MPV17L: variants seen among roughly 807,000 people sequenced by gnomAD.
The protein encoded by MPV17L is mpv17-like protein.
A neutral mutation model predicts 25.8 loss-of-function variants in MPV17L; 24 were observed. The observed-to-expected ratio is 0.93, with a 90% CI of 0.67 to 1.31. The LOEUF (loss-of-function observed/expected upper bound fraction) is 1.31, where lower values mean the gene tolerates loss of function less well. Ranked by LOEUF, MPV17L falls within the 50% of genes most tolerant of loss-of-function variation. The pLI is 0.00. For synonymous variants in MPV17L, 102 were observed against 115.3 expected, an observed-to-expected ratio of 0.88 and a Z score of 0.74; for missense variants, 250 against 265.6, an observed-to-expected ratio of 0.94 and a Z score of 0.41.
Position 15,410,801 on chromosome 16 carries a change from G to A in MPV17L, c.*2689G>A, listed in dbSNP as rs2050726802. On this transcript the variant is annotated 3_prime_UTR_variant, in exon 4 of 4. Transcript: ENST00000396385. ...TGGATAATTTACCTGAATGTAAAAG[G>A]CATTAATATATTTTACATTATTGGG... is the stretch of plus-strand genomic sequence containing the variant. The A allele has an allele frequency of 6.6e-6, 1 of 152,018 alleles. No homozygotes were observed. Among genetic ancestry groups the A allele is most frequent in the Non-Finnish European group, 1.5e-5 (1 of 68,012 alleles). The allele number at this position is 152,018 out of a possible 1,614,324, so 9.4% of individuals were successfully genotyped here.
chr16:15,403,236 G>C (rs1393289236), intron 2 of MPV17L, among the ~76,000 whole-genome samples: 1 of 151,790 alleles, frequency 6.6e-6, no homozygotes, highest in Non-Finnish European at 1.5e-5. Flanking sequence ...GGGCATGGTG[G>C]CACAAGCCTG....
rs199674450 is a variant in MPV17L, at chr16:15,400,868, C to T, written c.381+11C>T. On this transcript the variant is annotated intron_variant, in intron 2 of 3. Transcript: ENST00000396385. The stretch of plus-strand genomic sequence containing the variant: ...TGGAATACCTATCTGGTAAGATAGG[C>T]GTTTGAAAATGTAATCACTATATTT... 10 of 1,562,574 alleles carry T rather than the reference C, an allele frequency of 6.4e-6. No individual in the cohort carries two copies. The highest frequency in any genetic ancestry group is 5.5e-5 in the Admixed American group (3 of 54,780).
At chr16:15,406,213 CATATACGTATATATGTGTAT>C (rs1023292979) in intron 2 of MPV17L, among the ~76,000 whole-genome samples, 2 of 151,570 alleles carry the variant, frequency 1.3e-5, no homozygotes, top group Middle Eastern at 3.2e-3. Flanking sequence ...TATACATACA[CATATACGTATATATGTGTAT>C]ATATACGTAT....
rs1217580979 is a variant in MPV17L at position 15,409,420 on chromosome 16, T to C, written c.*1308T>C. On this transcript the variant is annotated 3_prime_UTR_variant, in exon 4 of 4. Transcript: ENST00000396385. Reference sequence around the variant, plus strand: ...TGAAAATAGCCTTAACTGATGACATTGCACCATTGTGATATGTTACTGCCC... The same window carrying C: ...TGAAAATAGCCTTAACTGATGACATCGCACCATTGTGATATGTTACTGCCC... The C allele has an allele frequency of 1.3e-5, 2 of 152,166 alleles. No individual in the cohort carries two copies. The highest frequency in any genetic ancestry group is 2.9e-5 in the Non-Finnish European group (2 of 68,054). 9.4% of individuals were successfully genotyped at this position (152,166 alleles called of 1,614,324 possible).
intron 2 of MPV17L, among the ~76,000 whole-genome samples, chr16:15,401,062 A>G (rs867150245): frequency 6.1e-4 from 24 of 39,496 alleles, no homozygotes; most frequent in African/African-American, 2.2e-3. Context: ...GTGTGTGTAT[A>G]TATATATATA....
At chr16:15,401,205 T>TGAGCTCAAGCGATCCTCC (rs1226573922) in intron 2 of MPV17L, among the ~76,000 whole-genome samples, 1 of 148,790 alleles carries the variant, frequency 6.7e-6, no homozygotes, top group Non-Finnish European at 1.5e-5. Context: ...CTGGACCTCC[T>TGAGCTCAAGCGATCCTCC]GAGCTCAAGC....
Position 15,408,158 on chromosome 16 carries a change from G to A in MPV17L, c.*46G>A. On this transcript the variant is annotated 3_prime_UTR_variant, in exon 4 of 4. Coordinates refer to ENST00000396385, the MANE Select transcript of MPV17L (RefSeq NM_001128423.2). ...AGGGACCACATTTTTTACCTAAAAT[G>A]CACAGAATTGCCTGCAGACAAAATA... 6.9e-7 allele frequency: 1 copy of A among 1,449,924 alleles called. No homozygotes were observed. 89.8% of individuals were successfully genotyped at this position (1,449,924 alleles called of 1,614,324 possible).
At chr16:15,401,088 T>TA (rs56114822) in intron 2 of MPV17L, among the ~76,000 whole-genome samples, 98 of 55,678 alleles carry the variant, frequency 1.8e-3, no homozygotes, top group African/African-American at 4.7e-3. Context: ...ATATATATAT[T>TA]TTTTTTTTTT....
At chr16:15,403,685 AAG>A (rs1486692994) in intron 2 of MPV17L, among the ~76,000 whole-genome samples, 6 of 151,800 alleles carry the variant, frequency 4.0e-5, no homozygotes, top group Non-Finnish European at 7.4e-5. Flanking sequence ...AAAAAAAAAA[AAG>A]AGAGCAGGAA....
At chr16:15,402,509 G>A (rs1213097444) in intron 2 of MPV17L, among the ~76,000 whole-genome samples, 2 of 152,190 alleles carry the variant, frequency 1.3e-5, no homozygotes, top group Non-Finnish European at 2.9e-5. Flanking sequence ...GCAGAGGATG[G>A]AGAGGTTTGA....
At position 15,411,093 on chromosome 16, in the gene MPV17L, A is replaced by C. The variant is rs891402383; in HGVS notation, c.*2981A>C. On this transcript the variant is annotated 3_prime_UTR_variant, in exon 4 of 4. Transcript: ENST00000396385. ...TAAAAATACAAAAAATTAGCTGGGCATGGTGGCGGGCGCCTGTAGTCCCAG... is the reference window on the plus strand; with the variant it reads ...TAAAAATACAAAAAATTAGCTGGGCCTGGTGGCGGGCGCCTGTAGTCCCAG... 8 of 152,112 alleles carry C rather than the reference A, an allele frequency of 5.3e-5. No homozygotes were observed. Among genetic ancestry groups the C allele is most frequent in the Non-Finnish European group, 8.8e-5 (6 of 68,096 alleles). The allele number at this position is 152,112 out of a possible 1,614,324, so 9.4% of individuals were successfully genotyped here. A position where few individuals can be genotyped will look rare whatever the true frequency, so the allele number is the denominator to read the frequency against.
intron 2 of MPV17L, among the ~76,000 whole-genome samples, chr16:15,407,107 G>A (rs1010878183): frequency 2.0e-5 from 3 of 151,754 alleles, no homozygotes; most frequent in Non-Finnish European, 2.9e-5. Flanking sequence ...AGAATTCATT[G>A]ATGATTCTGT....
intron 2 of MPV17L, among the ~76,000 whole-genome samples, chr16:15,406,737 C>A (rs1224595484): frequency 6.7e-6 from 1 of 149,834 alleles, no homozygotes; most frequent in Non-Finnish European, 1.5e-5. Flanking sequence ...ACCAGCCTGG[C>A]CAACATGGTA....
intron 2 of MPV17L, among the ~76,000 whole-genome samples, chr16:15,401,069 TA>T (rs2050631684): frequency 6.8e-5 from 2 of 29,508 alleles, no homozygotes; most frequent in Admixed American, 4.4e-4. Flanking sequence ...TATATATATA[TA>T]TATATATATA....
At chr16:15,400,937 G>T (rs144631444) in intron 2 of MPV17L, 80 bp downstream of exon 2, 101,499 of 908,000 alleles carry the variant, frequency 0.11, 6,017 homozygotes, top group South Asian at 0.12. Flanking sequence ...TATATGTTTT[G>T]TGTTTATATT....
In MPV17L at chr16:15,400,346, CTT is replaced by C. The variant is rs908354383; in HGVS notation, c.311-424_311-423del. Among the ~76,000 whole-genome samples, 1,154 of 125,070 alleles carry C rather than the reference CTT, an allele frequency of 9.2e-3. 18 individuals are homozygous for C. Among genetic ancestry groups the C allele is most frequent in the African/African-American group, 0.032 (1,091 of 33,616 alleles). The allele number at this position is 125,070 out of a possible 152,430, so 82.1% of individuals were successfully genotyped here. A position where few individuals can be genotyped will look rare whatever the true frequency, so the allele number is the denominator to read the frequency against. On this transcript the variant is annotated intron_variant, in intron 1 of 3. Coordinates refer to ENST00000396385, the MANE Select transcript of MPV17L (RefSeq NM_001128423.2). ...AGTTTTAGAGTGGAGATTATGTTTT[CTT>C]TTTTTTTTTTTTTTTTGTTTGAGAC...
chr16:15,402,729 C>T (rs1567431812), intron 2 of MPV17L, among the ~76,000 whole-genome samples: 1 of 152,152 alleles, frequency 6.6e-6, no homozygotes, highest in Non-Finnish European at 1.5e-5. Context: ...GTAGCCTAGG[C>T]TGGAGTGCAG....
chr16:15,407,628 G>A (rs2050693110), intron 2 of MPV17L, among the ~76,000 whole-genome samples, 196 bp from the exon 3 acceptor site: 1 of 152,076 alleles, frequency 6.6e-6, no homozygotes, highest in African/African-American at 2.4e-5. Flanking sequence ...TGTAATCGCA[G>A]ATACTCAGGA....
In MPV17L at chr16:15,401,194, C is replaced by G. The variant is rs2050638472; in HGVS notation, c.381+337C>G. On this transcript the variant is annotated intron_variant, in intron 2 of 3. Transcript: ENST00000396385. The stretch of plus-strand genomic sequence containing the variant: ...GTGGCATGGTCATGGCTCACTGCAG[C>G]CTGGACCTCCTGAGCTCAAGCGATC... Among the ~76,000 whole-genome samples the G allele has an allele frequency of 3.4e-5, 5 of 148,026 alleles. No individual in the cohort carries two copies. In the South Asian group the frequency reaches 6.4e-4, roughly 19 times the overall value.
Sources: gnomAD v4.1 joint callset for allele counts (sites outside exome capture counted in the v4.1 genomes callset) on GRCh38, gnomAD v4.1.1 for gene constraint, MANE v1.5 for transcripts, NCBI Gene and HGNC (gene_info 2026-07-23, HGNC 2026-07-21) for gene names.